The following PHEX variants were observed in gnomAD, a reference collection of about 807,000 sequenced individuals.
PHEX encodes phosphate-regulating neutral endopeptidase PHEX.
In PHEX, 16 loss-of-function variants were observed where a neutral mutation model predicts 68.0. The observed-to-expected ratio is 0.24, with a 90% CI of 0.16 to 0.36. PHEX has a LOEUF of 0.36. Ranked by LOEUF, PHEX falls within the 10% of genes least tolerant of loss-of-function variation. The pLI, the probability that PHEX is intolerant of heterozygous loss-of-function variation, is 1.00. For missense variants in PHEX, 480 were observed against 575.5 expected, an observed-to-expected ratio of 0.83 and a Z score of 1.70; for synonymous variants, 208 against 205.1, an observed-to-expected ratio of 1.01 and a Z score of -0.12.
intron 21 of PHEX, among the ~76,000 whole-genome samples, chrX:22,246,104 A>G (rs900315826): frequency 2.2e-4 from 25 of 111,913 alleles, no homozygotes; most frequent in Admixed American, 2.1e-3. Flanking sequence ...GGTAGCTTAT[A>G]CAAAAAAGGA....
intron 12 of PHEX, among the ~76,000 whole-genome samples, chrX:22,154,935 G>A (rs1005593600): frequency 4.5e-5 from 5 of 111,930 alleles, no homozygotes; most frequent in Non-Finnish European, 7.5e-5. Context: ...TGATTGAGAC[G>A]GGGTCTCGCT....
intron 10 of PHEX, among the ~76,000 whole-genome samples, chrX:22,113,286 T>C (rs1049565977): frequency 9.0e-6 from 1 of 111,661 alleles, no homozygotes; most frequent in Non-Finnish European, 1.9e-5. Flanking sequence ...CGCTTACCTC[T>C]GAGAGAGGTT....
chrX:22,243,586 GA>G (rs1376299264), intron 20 of PHEX, among the ~76,000 whole-genome samples: 1 of 111,504 alleles, frequency 9.0e-6, no homozygotes, highest in Non-Finnish European at 1.9e-5. Context: ...AAATTTACAA[GA>G]AAAAAACAAC....
At chrX:22,169,916 G>A in intron 13 of PHEX, 1 of 112,494 alleles carries the variant, frequency 8.9e-6, no homozygotes, top group Non-Finnish European at 1.9e-5. Flanking sequence ...CTGTATAAAT[G>A]TAAAAGCACT....
At chrX:22,076,889 A>G (rs1001694985) in intron 4 of PHEX, among the ~76,000 whole-genome samples, 1 of 111,838 alleles carries the variant, frequency 8.9e-6, no homozygotes, top group African/African-American at 3.2e-5. Context: ...CCTAACAGGC[A>G]TCTTTGTTGG....
chrX:22,090,372 C>T, intron 5 of PHEX, 57 bp from the exon 6 acceptor site: 1 of 923,501 alleles, frequency 1.1e-6, no homozygotes, highest in South Asian at 2.0e-5. Flanking sequence ...CTCTTGTTAA[C>T]ATGGTACGTA....
chrX:22,193,870 C>A (rs1314136384), intron 15 of PHEX, among the ~76,000 whole-genome samples: 1 of 112,354 alleles, frequency 8.9e-6, no homozygotes, highest in African/African-American at 3.2e-5. Flanking sequence ...TTCCAAAGTA[C>A]AGAAGTGTTT....
At chrX:22,043,490 A>C (rs1052333172) in intron 2 of PHEX, among the ~76,000 whole-genome samples, 2 of 110,892 alleles carry the variant, frequency 1.8e-5, no homozygotes, top group Admixed American at 9.6e-5. Context: ...AAACTAAGAC[A>C]CAGGTTAAAT....
chrX:22,163,526 A>G (rs1005295380), intron 12 of PHEX, among the ~76,000 whole-genome samples: 1 of 111,990 alleles, frequency 8.9e-6, no homozygotes, highest in Admixed American at 9.5e-5. Context: ...CCAGCTGTCA[A>G]GTGCAGCTTC....
intron 2 of PHEX, among the ~76,000 whole-genome samples, chrX:22,045,540 A>G (rs7060341): frequency 0.026 from 2,963 of 112,543 alleles, 97 homozygotes; most frequent in African/African-American, 0.089. Flanking sequence ...TCATGGTTAC[A>G]TATTTATGCA....
intron 3 of PHEX, among the ~76,000 whole-genome samples, chrX:22,053,835 T>C (rs757403565): frequency 8.9e-6 from 1 of 112,396 alleles, no homozygotes; most frequent in South Asian, 3.7e-4. Flanking sequence ...GGACTCTGCA[T>C]TAATGAACAG....
rs145227563 is a variant in PHEX at position 22,120,283 on chromosome X, G to T, written c.1302+5697G>T. Reference sequence around the variant, plus strand: ...ATAGCTTGAAAATGGCTTAGGTAGGGTTCAAGCCCAGACAATCTACATGGA... The same window carrying T: ...ATAGCTTGAAAATGGCTTAGGTAGGTTTCAAGCCCAGACAATCTACATGGA... On this transcript the variant is annotated intron_variant, in intron 11 of 21. Coordinates refer to ENST00000379374, the MANE Select transcript of PHEX (RefSeq NM_000444.6). Among the ~76,000 whole-genome samples, 369 of 111,337 alleles carry T rather than the reference G, an allele frequency of 3.3e-3. 2 individuals carry two copies. The highest frequency in any genetic ancestry group is 0.012 in the African/African-American group (353 of 30,646).
chrX:22,185,756 GTTTTTTT>G (rs3085228), intron 14 of PHEX, among the ~76,000 whole-genome samples: 2 of 87,794 alleles, frequency 2.3e-5, no homozygotes, highest in Non-Finnish European at 4.3e-5. Flanking sequence ...CTCGTTTGTG[GTTTTTTT>G]TTTTTTTTTT....
At chrX:22,234,943 C>T (rs1935918046) in intron 20 of PHEX, among the ~76,000 whole-genome samples, 1 of 111,964 alleles carries the variant, frequency 8.9e-6, no homozygotes, top group African/African-American at 3.2e-5. Context: ...AACCCAGAGC[C>T]CTGGTGGGGT....
intron 15 of PHEX, among the ~76,000 whole-genome samples, chrX:22,201,322 G>A (rs1187908702): frequency 9.0e-6 from 1 of 110,910 alleles, no homozygotes; most frequent in African/African-American, 3.3e-5. Context: ...GACTACAGGC[G>A]CTCACCACCA....
At chrX:22,105,288 T>C (rs757161022) in intron 9 of PHEX, among the ~76,000 whole-genome samples, 25 of 112,584 alleles carry the variant, frequency 2.2e-4, no homozygotes, top group African/African-American at 7.1e-4. Flanking sequence ...GAAGTCCTAG[T>C]TGAGCTGTGT....
At chrX:22,071,545 C>T (rs1438456956) in intron 3 of PHEX, among the ~76,000 whole-genome samples, 2 of 111,805 alleles carry the variant, frequency 1.8e-5, no homozygotes, top group African/African-American at 3.3e-5. Context: ...ATGAATGTGA[C>T]CCAGCCCCTG....
chrX:22,209,694 C>CCTCTCT (rs1934831010), intron 15 of PHEX, among the ~76,000 whole-genome samples: 1 of 101,315 alleles, frequency 9.9e-6, no homozygotes, highest in Non-Finnish European at 2.0e-5. Flanking sequence ...CCTCCCTCTC[C>CCTCTCT]TCCCTCTCCC....
intron 3 of PHEX, among the ~76,000 whole-genome samples, chrX:22,058,526 C>G (rs767370747): frequency 8.0e-5 from 9 of 112,015 alleles, no homozygotes; most frequent in Admixed American, 7.6e-4. Flanking sequence ...AATAAGGAAG[C>G]TGGTTCTGAA....
Sources: gnomAD v4.1 joint callset for allele counts (sites outside exome capture counted in the v4.1 genomes callset) on GRCh38, gnomAD v4.1.1 for gene constraint, MANE v1.5 for transcripts, NCBI Gene and HGNC (gene_info 2026-07-23, HGNC 2026-07-21) for gene names.